The following RSRC1 variants were observed in gnomAD, a reference collection of about 807,000 sequenced individuals.
RSRC1 encodes arginine and serine rich coiled-coil 1, also known as serine/Arginine-related protein 53.
Under a neutral mutation model 49.1 loss-of-function variants are expected in RSRC1, and 39 were observed. The ratio of observed to expected loss-of-function variants is 0.79; its 90% CI spans 0.61 to 1.04. The LOEUF (loss-of-function observed/expected upper bound fraction) is 1.04. RSRC1 is among the 50% of genes least tolerant of loss of function. RSRC1 has a pLI of 0.00. For synonymous variants in RSRC1, 143 were observed against 130.8 expected, an observed-to-expected ratio of 1.09 and a Z score of -0.63; for missense variants, 388 against 402.4, an observed-to-expected ratio of 0.96 and a Z score of 0.31.
chr3:158,446,371 A>AT (rs1393553208), intron 6 of RSRC1, among the ~76,000 whole-genome samples: 4 of 151,518 alleles, frequency 2.6e-5, no homozygotes, highest in African/African-American at 9.7e-5. Flanking sequence ...TGGATATATG[A>AT]TTTTTTTCTG....
chr3:158,256,518 T>G (rs1449568152), intron 4 of RSRC1, among the ~76,000 whole-genome samples: 2 of 152,150 alleles, frequency 1.3e-5, no homozygotes, highest in African/African-American at 4.8e-5. Context: ...GGTCTAAAAT[T>G]CTCTCTTTGT....
Position 158,192,218 on chromosome 3 carries a change from G to A in RSRC1, c.321-10854G>A, listed in dbSNP as rs754965918. On this transcript the variant is annotated intron_variant, in intron 3 of 9. Coordinates refer to ENST00000611884, the MANE Select transcript of RSRC1 (RefSeq NM_001271838.2). The stretch of plus-strand genomic sequence containing the variant: ...TTATTCTGTGCATACTGTGCATACT[G>A]TGATGTTTTAAAACTTACTGCTTTC... Among the ~76,000 whole-genome samples, 5 of 152,148 alleles carry A rather than the reference G, an allele frequency of 3.3e-5. No individual in the cohort carries two copies. The South Asian group carries it at 1.0e-3, about 32-fold the overall frequency.
At chr3:158,389,194 G>A (rs1289314993) in intron 6 of RSRC1, among the ~76,000 whole-genome samples, 7 of 152,230 alleles carry the variant, frequency 4.6e-5, no homozygotes, top group African/African-American at 1.7e-4. Context: ...CTACTGATCA[G>A]AAATAAACAT....
At chr3:158,175,653 C>T (rs1473826668) in intron 3 of RSRC1, among the ~76,000 whole-genome samples, 3 of 151,994 alleles carry the variant, frequency 2.0e-5, no homozygotes, top group East Asian at 1.9e-4. Flanking sequence ...ACACCAATTC[C>T]ACGTTGCCCT....
chr3:158,352,930 A>G (rs1319252681), intron 5 of RSRC1, among the ~76,000 whole-genome samples: 1 of 152,228 alleles, frequency 6.6e-6, no homozygotes, highest in Non-Finnish European at 1.5e-5. Context: ...TATATTCAGT[A>G]GATATCACAG....
rs375816277 is a variant in RSRC1, at chr3:158,361,409, G to A, written c.583+6501G>A. 4.6e-5 allele frequency among the ~76,000 whole-genome samples: 7 copies of A among 152,128 alleles called. No individual in the cohort carries two copies. The East Asian group carries it at 5.8e-4, about 13-fold the overall frequency. On this transcript the variant is annotated intron_variant, in intron 6 of 9. Coordinates refer to ENST00000611884, the MANE Select transcript of RSRC1 (RefSeq NM_001271838.2). ...CCACAGAGGCTCTGGGCCTTGGGGC[G>A]GGTCTCAACCAGCCATAGGAGGGTG...
Position 158,544,423 on chromosome 3 carries a change from T to G in RSRC1, c.*148T>G, listed in dbSNP as rs1267170713. On this transcript the variant is annotated 3_prime_UTR_variant, in exon 10 of 10. Coordinates refer to ENST00000611884, the MANE Select transcript of RSRC1 (RefSeq NM_001271838.2). ...ATTTCATTTGTCTCTCATGTAGGCT[T>G]GAATATTTGTTAATTTGAATTAAAT... The G allele has an allele frequency of 4.5e-6, 2 of 445,120 alleles. No homozygotes were observed. Among genetic ancestry groups the G allele is most frequent in the African/African-American group, 4.0e-5 (2 of 49,426 alleles). 27.6% of individuals were successfully genotyped at this position (445,120 alleles called of 1,614,324 possible).
At chr3:158,317,098 A>G (rs1426142018) in intron 5 of RSRC1, among the ~76,000 whole-genome samples, 3 of 152,194 alleles carry the variant, frequency 2.0e-5, no homozygotes, top group Non-Finnish European at 4.4e-5. Context: ...TTAAAAGCAA[A>G]CCCTAGCATT....
chr3:158,333,448 A>T (rs140921534), intron 5 of RSRC1, among the ~76,000 whole-genome samples: 4,704 of 152,290 alleles, frequency 0.031, 105 homozygotes, highest in Non-Finnish European at 0.044. Flanking sequence ...TTTAAATAAA[A>T]TTATTTTTTG....
intron 3 of RSRC1, among the ~76,000 whole-genome samples, chr3:158,160,450 A>G (rs899090061): frequency 6.6e-6 from 1 of 152,180 alleles, no homozygotes; most frequent in African/African-American, 2.4e-5. Flanking sequence ...TGGAATACAT[A>G]TAGAGAAATG....
intron 7 of RSRC1, among the ~76,000 whole-genome samples, chr3:158,483,428 A>G (rs924555308): frequency 6.6e-6 from 1 of 152,100 alleles, no homozygotes; most frequent in Non-Finnish European, 1.5e-5. Flanking sequence ...TGGTAAAAAT[A>G]TATGGGAATA....
chr3:158,267,858 C>CTTTTTTTTTTTTTTT (rs377128391), intron 4 of RSRC1, among the ~76,000 whole-genome samples: 1 of 91,258 alleles, frequency 1.1e-5, no homozygotes, highest in African/African-American at 4.0e-5. Flanking sequence ...GTTTCCATAT[C>CTTTTTTTTTTTTTTT]TATTTTTTTT....
At chr3:158,451,359 A>C (rs1191981853) in intron 6 of RSRC1, among the ~76,000 whole-genome samples, 2 of 151,852 alleles carry the variant, frequency 1.3e-5, no homozygotes, top group Non-Finnish European at 2.9e-5. Context: ...TATTATAACT[A>C]TTATTATATA....
intron 4 of RSRC1, among the ~76,000 whole-genome samples, chr3:158,261,143 G>T (rs1469795257): frequency 6.6e-6 from 1 of 152,158 alleles, no homozygotes; most frequent in East Asian, 1.9e-4. Context: ...TGGCCATCTT[G>T]CTCCGCCTTC....
At chr3:158,435,076 C>A (rs1236320087) in intron 6 of RSRC1, among the ~76,000 whole-genome samples, 1 of 151,878 alleles carries the variant, frequency 6.6e-6, no homozygotes, top group Non-Finnish European at 1.5e-5. Context: ...ACTTGTGCCA[C>A]ACTTATGCTT....
chr3:158,466,584 C>G (rs1484793658), intron 7 of RSRC1, among the ~76,000 whole-genome samples: 1 of 152,170 alleles, frequency 6.6e-6, no homozygotes, highest in Non-Finnish European at 1.5e-5. Flanking sequence ...CAATTGTGCT[C>G]TACTTGAAAT....
At chr3:158,286,295 A>G (rs1726553709) in intron 4 of RSRC1, among the ~76,000 whole-genome samples, 1 of 152,220 alleles carries the variant, frequency 6.6e-6, no homozygotes, top group Non-Finnish European at 1.5e-5. Flanking sequence ...ATTTAATTCA[A>G]GTTTCTAGCT....
chr3:158,429,809 T>C (rs1203638684), intron 6 of RSRC1, among the ~76,000 whole-genome samples: 3 of 151,390 alleles, frequency 2.0e-5, no homozygotes, highest in Admixed American at 1.3e-4. Context: ...ATTCCACTTA[T>C]ATGAGATGGG....
intron 3 of RSRC1, among the ~76,000 whole-genome samples, chr3:158,163,036 C>T (rs1004357755): frequency 3.9e-5 from 6 of 152,240 alleles, no homozygotes; most frequent in African/African-American, 1.2e-4. Context: ...GGAATCTCAT[C>T]CTGCACCCCT....
Sources: allele counts gnomAD v4.1 joint callset (sites outside exome capture counted in the v4.1 genomes callset), GRCh38; gene constraint gnomAD v4.1.1; transcripts MANE v1.5; gene names NCBI Gene and HGNC (gene_info 2026-07-23, HGNC 2026-07-21).